CCDC9: variants seen among roughly 807,000 people sequenced by gnomAD.
CCDC9 encodes coiled-coil domain containing 9.
In CCDC9, 52 loss-of-function variants were observed where a neutral mutation model predicts 65.6. The ratio of observed to expected loss-of-function variants is 0.79; its 90% CI spans 0.63 to 1.00. The LOEUF (loss-of-function observed/expected upper bound fraction) is 1.00. CCDC9 is among the 50% of genes least tolerant of loss of function. The pLI is 0.00. For missense variants in CCDC9, 834 were observed against 757.2 expected (o/e 1.10, Z -1.19); for synonymous variants, 332 against 280.3 (o/e 1.18, Z -1.84).
intron 2 of CCDC9, 66 bp from the exon 3 acceptor site, chr19:47,258,493 T>TG: frequency 6.2e-7 from 1 of 1,604,906 alleles, no homozygotes; most frequent in Non-Finnish European, 8.5e-7. Context: ...TCTCAGACCC[T>TG]GGGGGAAAGT....
intron 1 of CCDC9, among the ~76,000 whole-genome samples, chr19:47,257,196 A>AGCGGTT: frequency 6.6e-6 from 1 of 151,086 alleles, no homozygotes; most frequent in South Asian, 2.1e-4. Context: ...GCGGGGCCAG[A>AGCGGTT]TGCTGACGCA....
downstream of CCDC9, chr19:47,275,573 C>T (rs2059155106): frequency 1.7e-6 from 1 of 592,168 alleles, no homozygotes; most frequent in Non-Finnish European, 2.9e-6. Flanking sequence ...AGGAAGATCC[C>T]ATCCTGAGCT....
downstream of CCDC9, among the ~76,000 whole-genome samples, chr19:47,272,652 G>A (rs1345278666): frequency 6.6e-6 from 1 of 152,176 alleles, no homozygotes; most frequent in Non-Finnish European, 1.5e-5. Context: ...GTGTACTAGG[G>A]CAGGAGCTAT....
Position 47,271,856 on chromosome 19 carries a change from C to A in CCDC9, c.*178C>A. On this transcript the variant is annotated 3_prime_UTR_variant, in exon 12 of 12. Coordinates refer to ENST00000221922, the MANE Select transcript of CCDC9 (RefSeq NM_015603.3). ...AGCTGAGGGGGTAGCGCAGCCCATG[C>A]TCTTCTGTACTGTCATGCCCGTCTC... 1 of 1,387,048 alleles carries A rather than the reference C, an allele frequency of 7.2e-7. No homozygotes were observed. Among genetic ancestry groups the A allele is most frequent in the Non-Finnish European group, 9.3e-7 (1 of 1,074,226 alleles). 85.9% of individuals were successfully genotyped at this position (1,387,048 alleles called of 1,614,324 possible). A position where few individuals can be genotyped will look rare whatever the true frequency, so the allele number is the denominator to read the frequency against.
At position 47,257,294 on chromosome 19, in the gene CCDC9, G is replaced by A. The variant is rs895134225; in HGVS notation, c.-72+685G>A. ...GGCCAGAGGGTTGACTGGGCAGGCC[G>A]GGGGCGGGGCTGGAATAATAATAAG... On this transcript the variant is annotated intron_variant, in intron 1 of 11. Transcript: ENST00000221922. 2.0e-5 allele frequency among the ~76,000 whole-genome samples: 3 copies of A among 151,756 alleles called. No homozygotes were observed. The South Asian group carries it at 6.2e-4, about 31-fold the overall frequency.
At chr19:47,257,969 A>G (rs1365654804) in intron 1 of CCDC9, 6 of 207,316 alleles carry the variant, frequency 2.9e-5, no homozygotes. Flanking sequence ...AACTCTCTTG[A>G]GATAGGGAAC....
chr19:47,272,156 C>T (rs1600294029), downstream of CCDC9: 1 of 1,235,154 alleles, frequency 8.1e-7, no homozygotes, highest in Non-Finnish European at 1.0e-6. Context: ...TCTGAGGCAA[C>T]TCCAGGTGGG....
At chr19:47,275,009 G>A, downstream of CCDC9, 8 of 1,478,058 alleles carry the variant, frequency 5.4e-6, no homozygotes, top group Non-Finnish European at 7.1e-6. Flanking sequence ...GGCTGCGCTT[G>A]GCTCCGGTAT....
downstream of CCDC9, among the ~76,000 whole-genome samples, chr19:47,274,202 T>C (rs2059141717): frequency 6.6e-6 from 1 of 151,982 alleles, no homozygotes; most frequent in South Asian, 2.1e-4. Flanking sequence ...CCTGAGGTGC[T>C]GAGGATACCT....
At chr19:47,267,856 CTT>C (rs977823531) in intron 8 of CCDC9, among the ~76,000 whole-genome samples, 1 of 150,222 alleles carries the variant, frequency 6.7e-6, no homozygotes, top group Non-Finnish European at 1.5e-5. Flanking sequence ...TTTTTTTTTA[CTT>C]TTTTTTTGAG....
At position 47,266,841 on chromosome 19, in the gene CCDC9, C is replaced by G. The variant is rs1203807998; in HGVS notation, c.902+49C>G. On this transcript the variant is annotated intron_variant, in intron 8 of 11. Coordinates refer to ENST00000221922, the MANE Select transcript of CCDC9 (RefSeq NM_015603.3). ...CCCCATGTGGCACGTTGACCTTGGC[C>G]CTGACTTCTAAGTCCTATGCCTCTC... 1.9e-6 allele frequency: 3 copies of G among 1,558,734 alleles called. No homozygotes were observed. In the South Asian group the frequency reaches 3.6e-5, roughly 19 times the overall value.
intron 7 of CCDC9, 33 bp from the exon 8 acceptor site, chr19:47,266,578 C>T (rs775050861): frequency 2.7e-6 from 4 of 1,487,826 alleles, no homozygotes; most frequent in Non-Finnish European, 9.0e-7. Flanking sequence ...GGGTGCGGGA[C>T]ATCACCCTGA....
chr19:47,270,748 C>T (rs900622975), intron 10 of CCDC9, 60 bp downstream of exon 10: 2 of 1,509,450 alleles, frequency 1.3e-6, no homozygotes, highest in African/African-American at 2.8e-5. Context: ...GCGTTCTCTT[C>T]TTTGGCTTGC....
At chr19:47,273,347 C>G, downstream of CCDC9, 4 of 1,231,380 alleles carry the variant, frequency 3.2e-6, no homozygotes, top group Non-Finnish European at 4.1e-6. Flanking sequence ...TCAGCCCCTT[C>G]TCTCCTCAGA....
intron 5 of CCDC9, among the ~76,000 whole-genome samples, chr19:47,261,599 C>A (rs1340293680): frequency 1.3e-5 from 2 of 150,920 alleles, no homozygotes; most frequent in Admixed American, 6.7e-5. Flanking sequence ...GTAATCCCAG[C>A]TACTTGGGAG....
intron 5 of CCDC9, among the ~76,000 whole-genome samples, chr19:47,261,652 C>CCAGTCATGG (rs1317827711): frequency 1.5e-5 from 2 of 137,340 alleles, no homozygotes; most frequent in Admixed American, 1.6e-4. Flanking sequence ...GTGGAGGTCA[C>CCAGTCATGG]AGTGAGCCGA....
At chr19:47,272,549 G>A (rs1420684913), downstream of CCDC9, among the ~76,000 whole-genome samples, 1 of 152,074 alleles carries the variant, frequency 6.6e-6, no homozygotes, top group Non-Finnish European at 1.5e-5. Context: ...TTGAACCTGG[G>A]AGGCGGAGGC....
chr19:47,275,204 C>T (rs996136758), downstream of CCDC9: 54 of 1,519,620 alleles, frequency 3.6e-5, no homozygotes, highest in Non-Finnish European at 3.7e-5. Context: ...CCCTCTCCTG[C>T]CTCCTGGGAG....
intron 5 of CCDC9, among the ~76,000 whole-genome samples, chr19:47,261,143 C>G (rs1294795081): frequency 1.3e-5 from 2 of 152,074 alleles, no homozygotes; most frequent in African/African-American, 4.8e-5. Flanking sequence ...CTCCCCTCTC[C>G]TGCTTAGTGC....
Sources: allele counts gnomAD v4.1 joint callset (sites outside exome capture counted in the v4.1 genomes callset), GRCh38; gene constraint gnomAD v4.1.1; transcripts MANE v1.5; gene names NCBI Gene and HGNC (gene_info 2026-07-23, HGNC 2026-07-21).